FAM200C: variants seen among roughly 807,000 people sequenced by gnomAD.
the FAM200C span, among the ~76,000 whole-genome samples, chr5:160,398,922 A>C: frequency 6.6e-6 from 1 of 152,224 alleles, no homozygotes; most frequent in Non-Finnish European, 1.5e-5. Flanking sequence ...CATTTGTTAG[A>C]TACAGACAAT....
chr5:160,395,601 C>A, the FAM200C span: 8 of 839,266 alleles, frequency 9.5e-6, no homozygotes, highest in African/African-American at 1.0e-4. Context: ...TAAAACAAAG[C>A]CACATCACAT....
the FAM200C span, chr5:160,395,001 C>T: frequency 1.2e-6 from 2 of 1,613,792 alleles, no homozygotes; most frequent in Non-Finnish European, 1.7e-6. Context: ...GCTTTGATAT[C>T]TTCTAGAACT....
At chr5:160,393,833 T>C in the FAM200C span, 1 of 1,613,222 alleles carries the variant, frequency 6.2e-7, no homozygotes, top group African/African-American at 1.3e-5. Flanking sequence ...TGTTTTGAAA[T>C]GTAAAAGTGA....
At chr5:160,398,525 G>A in the FAM200C span, among the ~76,000 whole-genome samples, 1 of 152,154 alleles carries the variant, frequency 6.6e-6, no homozygotes, top group Non-Finnish European at 1.5e-5. Flanking sequence ...GTGACGGAGT[G>A]AGACTCTGTC....
the FAM200C span, among the ~76,000 whole-genome samples, chr5:160,398,277 C>T: frequency 1.3e-5 from 2 of 152,054 alleles, no homozygotes; most frequent in Non-Finnish European, 2.9e-5. Context: ...AGGCTGGGTA[C>T]GGTGGCTCAT....
At chr5:160,398,707 G>A in the FAM200C span, among the ~76,000 whole-genome samples, 1 of 152,192 alleles carries the variant, frequency 6.6e-6, no homozygotes, top group South Asian at 2.1e-4. Context: ...GGGAGAACAG[G>A]TGGCAAGAAT....
chr5:160,395,952 A>G, the FAM200C span, among the ~76,000 whole-genome samples: 1 of 152,188 alleles, frequency 6.6e-6, no homozygotes, highest in Non-Finnish European at 1.5e-5. Flanking sequence ...TCACTGAATA[A>G]AGGAGCAATT....
At chr5:160,397,224 T>C in the FAM200C span, among the ~76,000 whole-genome samples, 1 of 152,174 alleles carries the variant, frequency 6.6e-6, no homozygotes, top group Non-Finnish European at 1.5e-5. Context: ...CTTAGGGGAA[T>C]AAAAACGTAT....
At chr5:160,398,627 T>TA in the FAM200C span, among the ~76,000 whole-genome samples, 1 of 152,038 alleles carries the variant, frequency 6.6e-6, no homozygotes, top group Non-Finnish European at 1.5e-5. Context: ...TATTTTAATT[T>TA]AAAATTTATC....
At chr5:160,397,966 G>T in the FAM200C span, among the ~76,000 whole-genome samples, 1 of 152,246 alleles carries the variant, frequency 6.6e-6, no homozygotes, top group Non-Finnish European at 1.5e-5. Context: ...GAGGGGCCCT[G>T]CACGGTGGCT....
At chr5:160,393,926 G>A in the FAM200C span, 1 of 1,614,010 alleles carries the variant, frequency 6.2e-7, no homozygotes, top group South Asian at 1.1e-5. Context: ...TGGAAATGCT[G>A]TGAATTGGGC....
the FAM200C span, chr5:160,394,469 G>A: frequency 1.2e-6 from 2 of 1,613,962 alleles, no homozygotes; most frequent in Non-Finnish European, 1.7e-6. Context: ...AAAAATGTGA[G>A]TAAGTATTTG....
At chr5:160,393,825 T>C in the FAM200C span, 1 of 1,612,130 alleles carries the variant, frequency 6.2e-7, no homozygotes, top group Admixed American at 1.7e-5. Flanking sequence ...CTGGACTTTG[T>C]TTTGAAATGT....
chr5:160,395,389 G>A, the FAM200C span: 2 of 1,614,048 alleles, frequency 1.2e-6, no homozygotes, highest in Admixed American at 3.3e-5. Flanking sequence ...AAAATACTGA[G>A]TTACACAACA....
At chr5:160,400,047 G>A in the FAM200C span, 1 of 152,308 alleles carries the variant, frequency 6.6e-6, no homozygotes, top group Non-Finnish European at 1.5e-5. Flanking sequence ...GTTCCATCCG[G>A]GTTCTCCAGG....
the FAM200C span, chr5:160,395,440 G>C: frequency 6.2e-7 from 1 of 1,614,038 alleles, no homozygotes; most frequent in African/African-American, 1.3e-5. Flanking sequence ...CCGTTGTACA[G>C]GTGAACCAGT....
At chr5:160,393,606 CATAGA>C in the FAM200C span, 2 of 890,518 alleles carry the variant, frequency 2.2e-6, no homozygotes, top group Non-Finnish European at 3.4e-6. Context: ...GTTTTTTAGA[CATAGA>C]ATTCAGTATA....
chr5:160,394,563 G>A, the FAM200C span: 50 of 1,614,022 alleles, frequency 3.1e-5, no homozygotes, highest in Non-Finnish European at 4.2e-5. Context: ...GCCTGAAATA[G>A]GCGATGATTT....
At chr5:160,396,697 G>GAAA in the FAM200C span, among the ~76,000 whole-genome samples, 2 of 49,262 alleles carry the variant, frequency 4.1e-5, 1 homozygote, top group Non-Finnish European at 9.4e-5. Flanking sequence ...AAGTCTCTGT[G>GAAA]GAAAAAAAAA....
Sources: gnomAD v4.1 joint callset for allele counts (sites outside exome capture counted in the v4.1 genomes callset) on GRCh38, gnomAD v4.1.1 for gene constraint, MANE v1.5 for transcripts.